DEDD2: variants seen among roughly 807,000 people sequenced by gnomAD.
The protein encoded by DEDD2 is DNA-binding death effector domain-containing protein 2.
A neutral mutation model predicts 28.9 loss-of-function variants in DEDD2; 18 were observed. The observed-to-expected ratio is 0.62, with a 90% CI of 0.43 to 0.92. DEDD2 has a LOEUF of 0.92. Ranked by LOEUF, DEDD2 falls within the 40% of genes least tolerant of loss-of-function variation. The probability of loss-of-function intolerance (pLI) is 0.00; values close to 1 mark genes in which losing one functional copy is unlikely to be tolerated. For synonymous variants in DEDD2, 211 were observed against 206.1 expected (o/e 1.02, Z -0.20); for missense variants, 411 against 463.3 (o/e 0.89, Z 1.04).
intron 4 of DEDD2, among the ~76,000 whole-genome samples, chr19:42,202,492 T>A (rs2035371334): frequency 6.6e-6 from 1 of 152,124 alleles, no homozygotes; most frequent in Non-Finnish European, 1.5e-5. Context: ...TGGTATAAGT[T>A]CTCAATCCAC....
At chr19:42,212,463 C>T (rs1435674625) in intron 3 of DEDD2, among the ~76,000 whole-genome samples, 5 of 151,004 alleles carry the variant, frequency 3.3e-5, no homozygotes. Flanking sequence ...CCACACCCGG[C>T]TCGTTTTTTT....
chr19:42,203,493 G>C (rs555495781), intron 4 of DEDD2, among the ~76,000 whole-genome samples: 8 of 152,296 alleles, frequency 5.3e-5, no homozygotes, highest in Admixed American at 1.3e-4. Context: ...ACGTGGAGGG[G>C]AGAAGGGCGC....
intron 4 of DEDD2, among the ~76,000 whole-genome samples, chr19:42,208,467 C>T (rs929849491): frequency 5.3e-5 from 8 of 152,204 alleles, no homozygotes; most frequent in African/African-American, 1.9e-4. Context: ...TACTAGAAGC[C>T]CAGTGCATCC....
Position 42,199,016 on chromosome 19 carries a change from G to A in DEDD2, c.*422C>T, listed in dbSNP as rs3745229. The A allele has an allele frequency of 4.3e-4, 76 of 176,822 alleles. No individual in the cohort carries two copies. In the East Asian group the frequency reaches 8.6e-3, roughly 20 times the overall value. The allele number at this position is 176,822 out of a possible 1,614,324, so 11.0% of individuals were successfully genotyped here. On this transcript the variant is annotated 3_prime_UTR_variant, in exon 5 of 5. Coordinates refer to ENST00000596251, the MANE Select transcript of DEDD2 (RefSeq NM_133328.4). The surrounding 1 kb of genome is among the most constrained non-coding windows in gnomAD (Gnocchi z 7.4). ...CCCTTAGGCCAAAGAAGTGTGTGCT[G>A]GGAAGCAGGCCAGGGCAGAGGCCCA... is the stretch of plus-strand genomic sequence containing the variant.
At chr19:42,217,122 C>T in intron 1 of DEDD2, 77 bp from the exon 2 acceptor site, 2 of 1,169,452 alleles carry the variant, frequency 1.7e-6, no homozygotes, top group South Asian at 2.7e-5. Context: ...GCGCGTCTCC[C>T]CCGCCCAATC....
chr19:42,202,813 A>G (rs890485249), intron 4 of DEDD2, among the ~76,000 whole-genome samples: 3 of 152,212 alleles, frequency 2.0e-5, no homozygotes, highest in African/African-American at 7.2e-5. Flanking sequence ...TGAGCTGGAA[A>G]ACATGATCAT....
chr19:42,201,466 C>T (rs2035327089), intron 4 of DEDD2, among the ~76,000 whole-genome samples: 1 of 152,240 alleles, frequency 6.6e-6, no homozygotes, highest in African/African-American at 2.4e-5. Flanking sequence ...CAGCCACCAA[C>T]CCCTCTGATA....
At chr19:42,218,604 C>T (rs1192737045), upstream of DEDD2, among the ~76,000 whole-genome samples, 1 of 152,128 alleles carries the variant, frequency 6.6e-6, no homozygotes, top group Non-Finnish European at 1.5e-5. Context: ...AAGGTCAGGA[C>T]CTGCATGTAC....
intron 4 of DEDD2, chr19:42,201,884 C>T (rs1307214110): frequency 7.5e-6 from 3 of 397,422 alleles, no homozygotes; most frequent in Non-Finnish European, 1.3e-5. Flanking sequence ...TGACCTCAAT[C>T]AATGTGGGTG....
At chr19:42,200,281 T>G (rs530415002) in intron 4 of DEDD2, among the ~76,000 whole-genome samples, 2 of 152,336 alleles carry the variant, frequency 1.3e-5, no homozygotes, top group East Asian at 3.9e-4. Flanking sequence ...GCTCATTATC[T>G]GTCTCTACAC....
chr19:42,200,813 C>G (rs1375732137), intron 4 of DEDD2, among the ~76,000 whole-genome samples: 1 of 152,224 alleles, frequency 6.6e-6, no homozygotes, highest in East Asian at 1.9e-4. Flanking sequence ...CAACTCTCCC[C>G]ACATCTGCGC....
At chr19:42,208,009 T>C (rs1275640515) in intron 4 of DEDD2, among the ~76,000 whole-genome samples, 1 of 152,090 alleles carries the variant, frequency 6.6e-6, no homozygotes, top group African/African-American at 2.4e-5. Flanking sequence ...GCCAGGAGAC[T>C]CCCTGCACAC....
chr19:42,199,441 G>C lies in DEDD2; in HGVS notation c.978C>G (p.Ser326=), dbSNP rs967336253. ...EEGGRRPTEA[S] ...GATCAATCCTGCCAGTCCTGGATCAGGAGGCCTCTGTCGGGCGCCGCCCCC... is the reference window on the plus strand; with the variant it reads ...GATCAATCCTGCCAGTCCTGGATCACGAGGCCTCTGTCGGGCGCCGCCCCC... Residue 326 remains serine, a synonymous_variant, in exon 5 of 5, where the codon TCC becomes TCG. Transcript: ENST00000596251. The surrounding 1 kb of genome is among the most constrained non-coding windows in gnomAD (Gnocchi z 7.4). 9 of 1,600,558 alleles carry C rather than the reference G, an allele frequency of 5.6e-6. No homozygotes were observed. Among genetic ancestry groups the C allele is most frequent in the Non-Finnish European group, 7.7e-6 (9 of 1,175,214 alleles).
intron 4 of DEDD2, among the ~76,000 whole-genome samples, chr19:42,206,940 G>A (rs146102098): frequency 2.0e-5 from 3 of 152,294 alleles, no homozygotes; most frequent in Non-Finnish European, 2.9e-5. Context: ...TGCCTGGTGA[G>A]TCAGCAGTCA....
intron 4 of DEDD2, among the ~76,000 whole-genome samples, chr19:42,200,742 G>A (rs1424224024): frequency 6.6e-6 from 1 of 152,196 alleles, no homozygotes; most frequent in Non-Finnish European, 1.5e-5. Context: ...GATCGTAGCT[G>A]GATTTTCAGC....
upstream of DEDD2, among the ~76,000 whole-genome samples, chr19:42,219,911 C>T (rs1465003111): frequency 2.0e-5 from 3 of 152,192 alleles, no homozygotes; most frequent in Non-Finnish European, 4.4e-5. Context: ...GTGACTCAAG[C>T]TCACTTCACA....
chr19:42,214,893 C>T (rs1403745868), intron 3 of DEDD2, among the ~76,000 whole-genome samples: 1 of 152,114 alleles, frequency 6.6e-6, no homozygotes, highest in East Asian at 1.9e-4. Flanking sequence ...CTAGCAAAGA[C>T]AGCCAGGTGC....
intron 3 of DEDD2, among the ~76,000 whole-genome samples, chr19:42,212,405 A>C (rs1341075743): frequency 1.3e-5 from 2 of 151,298 alleles, no homozygotes; most frequent in Non-Finnish European, 2.9e-5. Context: ...CTTTGTTTAG[A>C]GTGGGGATCT....
chr19:42,203,515 G>A (rs1039405496), intron 4 of DEDD2, among the ~76,000 whole-genome samples: 29 of 152,162 alleles, frequency 1.9e-4, no homozygotes, highest in Admixed American at 6.5e-4. Flanking sequence ...AAGGGAGAAC[G>A]GGCAGCCAGG....
Sources: gnomAD v4.1 joint callset for allele counts (sites outside exome capture counted in the v4.1 genomes callset) on GRCh38, gnomAD v4.1.1 for gene constraint, Gnocchi (gnomAD v3.1) non-coding constraint, MANE v1.5 for transcripts, NCBI Gene and HGNC (gene_info 2026-07-23, HGNC 2026-07-21) for gene names.